Variants in NXPH1 observed in about 807,000 individuals in gnomAD.
NXPH1 encodes neurexophilin-1.
In NXPH1, 5 loss-of-function variants were observed where a neutral mutation model predicts 23.7. The observed-to-expected ratio is 0.21, with a 90% CI of 0.11 to 0.44. NXPH1 has a LOEUF of 0.44. Among genes scored for constraint, NXPH1 ranks in the 20% least tolerant of loss-of-function variants. The pLI is 0.99. For missense variants in NXPH1, 324 were observed against 321.6 expected (o/e 1.01, Z -0.06); for synonymous variants, 144 against 122.2 (o/e 1.18, Z -1.18).
chr7:8,507,274 A>G lies in NXPH1; in HGVS notation c.54+71507A>G, dbSNP rs1243327226. Reference sequence around the variant, plus strand: ...TAGGTGGTTGTTAATACATTAGGGCATGGAACACAAAGATGAAGAATTTGA... The same window carrying G: ...TAGGTGGTTGTTAATACATTAGGGCGTGGAACACAAAGATGAAGAATTTGA... On this transcript the variant is annotated intron_variant, in intron 2 of 2. Transcript: ENST00000405863. Among the ~76,000 whole-genome samples the G allele has an allele frequency of 6.6e-5, 10 of 151,754 alleles. 2 individuals are homozygous for G. Among genetic ancestry groups the G allele is most frequent in the Admixed American group, 5.9e-4 (9 of 15,258 alleles).
chr7:8,597,855 A>G (rs867845249), intron 2 of NXPH1, among the ~76,000 whole-genome samples: 3 of 152,228 alleles, frequency 2.0e-5, no homozygotes, highest in Middle Eastern at 6.8e-3. Flanking sequence ...GATTTGGCCA[A>G]TTGAAATGCC....
At position 8,609,054 on chromosome 7, in the gene NXPH1, G is replaced by T. The variant is rs75705933; in HGVS notation, c.55-141954G>T. On this transcript the variant is annotated intron_variant, in intron 2 of 2. Transcript: ENST00000405863. ...AAATGATATAAATGAGAGTCATTTT[G>T]CTTGACATCACTGTTTACAAGAACC... Among the ~76,000 whole-genome samples the T allele has an allele frequency of 6.0e-3, 917 of 152,204 alleles. 20 individuals carry two copies. The highest frequency in any genetic ancestry group is 0.06 in the South Asian group (287 of 4,820).
chr7:8,470,428 G>A (rs888886100), intron 2 of NXPH1, among the ~76,000 whole-genome samples: 5 of 152,120 alleles, frequency 3.3e-5, no homozygotes, highest in Admixed American at 2.6e-4. Context: ...GAAACATTTT[G>A]CTTTGTTCAA....
intron 2 of NXPH1, among the ~76,000 whole-genome samples, chr7:8,511,634 C>G (rs1817613685): frequency 6.6e-6 from 1 of 152,128 alleles, no homozygotes. Flanking sequence ...ACTTTTCCAC[C>G]TCTCTTCCAA....
At chr7:8,443,373 C>T (rs188861861) in intron 2 of NXPH1, among the ~76,000 whole-genome samples, 19 of 152,360 alleles carry the variant, frequency 1.2e-4, no homozygotes, top group Admixed American at 2.6e-4. Flanking sequence ...AACGTGAAGG[C>T]TGTAACGAAG....
At chr7:8,742,653 C>T (rs116639838) in intron 2 of NXPH1, among the ~76,000 whole-genome samples, 1 of 145,600 alleles carries the variant, frequency 6.9e-6, no homozygotes, top group Non-Finnish European at 1.5e-5. Context: ...TACTTAGGAA[C>T]AATATATACC....
chr7:8,707,264 C>A (rs1268524286), intron 2 of NXPH1, among the ~76,000 whole-genome samples: 1 of 152,160 alleles, frequency 6.6e-6, no homozygotes, highest in African/African-American at 2.4e-5. Context: ...GCAGGCCCAG[C>A]TTTTCTATTC....
At chr7:8,566,135 C>T (rs939739714) in intron 2 of NXPH1, among the ~76,000 whole-genome samples, 1 of 151,774 alleles carries the variant, frequency 6.6e-6, no homozygotes, top group African/African-American at 2.4e-5. Flanking sequence ...ATTGTGTTTT[C>T]TGAGTCTCTC....
intron 2 of NXPH1, among the ~76,000 whole-genome samples, chr7:8,511,779 C>G (rs921216615): frequency 1.2e-4 from 18 of 152,168 alleles, no homozygotes; most frequent in Admixed American, 6.5e-5. Context: ...CTCTCACACA[C>G]AGCAAGTTTG....
intron 2 of NXPH1, among the ~76,000 whole-genome samples, chr7:8,504,197 A>G (rs77085348): frequency 0.02 from 3,052 of 152,060 alleles, 95 homozygotes; most frequent in African/African-American, 0.069. Context: ...AAGCTCTAGA[A>G]TGCTATATTT....
chr7:8,509,246 G>C (rs1267803987), intron 2 of NXPH1, among the ~76,000 whole-genome samples: 1 of 152,042 alleles, frequency 6.6e-6, no homozygotes, highest in African/African-American at 2.4e-5. Context: ...TCTAAGACAT[G>C]ATGATTTCAT....
chr7:8,569,724 G>T (rs1375677082), intron 2 of NXPH1, among the ~76,000 whole-genome samples: 1 of 151,804 alleles, frequency 6.6e-6, no homozygotes, highest in Non-Finnish European at 1.5e-5. Flanking sequence ...CTTCTTCCTA[G>T]AGTGGGCAAG....
Position 8,626,294 on chromosome 7 carries a change from C to T in NXPH1, c.55-124714C>T, listed in dbSNP as rs569150504. 1.0e-3 allele frequency among the ~76,000 whole-genome samples: 152 copies of T among 151,892 alleles called. 1 individual carries two copies. Among genetic ancestry groups the T allele is most frequent in the Admixed American group, 1.9e-3 (29 of 15,250 alleles). On this transcript the variant is annotated intron_variant, in intron 2 of 2. Transcript: ENST00000405863. ...ACATCATAAATTATGCATCTTTGGGCCTTAGTCTATTCCAAACTGCAACTT... is the reference window on the plus strand; with the variant it reads ...ACATCATAAATTATGCATCTTTGGGTCTTAGTCTATTCCAAACTGCAACTT...
intron 2 of NXPH1, among the ~76,000 whole-genome samples, chr7:8,651,236 C>T (rs1166622937): frequency 3.2e-5 from 4 of 124,904 alleles, no homozygotes; most frequent in South Asian, 3.1e-4. Flanking sequence ...GTTTTTTGTT[C>T]TTGCGATAGT....
intron 2 of NXPH1, among the ~76,000 whole-genome samples, chr7:8,522,556 C>A (rs996579863): frequency 6.6e-6 from 1 of 152,042 alleles, no homozygotes; most frequent in Non-Finnish European, 1.5e-5. Flanking sequence ...GCTCTAGCAC[C>A]GTTTTTTTAA....
chr7:8,527,572 G>A (rs569987725), intron 2 of NXPH1, among the ~76,000 whole-genome samples: 11 of 152,252 alleles, frequency 7.2e-5, no homozygotes, highest in Admixed American at 7.2e-4. Flanking sequence ...TTGGGACCAG[G>A]ACTTAAATAT....
chr7:8,459,559 C>T (rs563306538), intron 2 of NXPH1, among the ~76,000 whole-genome samples: 5 of 152,186 alleles, frequency 3.3e-5, no homozygotes, highest in African/African-American at 2.4e-5. Context: ...GCCCTGCCAT[C>T]TTCTTTCTTC....
At chr7:8,622,929 T>C (rs2115125625) in intron 2 of NXPH1, among the ~76,000 whole-genome samples, 1 of 152,194 alleles carries the variant, frequency 6.6e-6, no homozygotes, top group African/African-American at 2.4e-5. Context: ...GCTGGAGTGG[T>C]CTTGGGAAAT....
At chr7:8,550,335 A>C (rs956160881) in intron 2 of NXPH1, among the ~76,000 whole-genome samples, 4 of 151,590 alleles carry the variant, frequency 2.6e-5, no homozygotes, top group Admixed American at 2.0e-4. Flanking sequence ...TATGGTAATA[A>C]CTTCACCAAC....
Sources: allele counts gnomAD v4.1 joint callset (sites outside exome capture counted in the v4.1 genomes callset), GRCh38; gene constraint gnomAD v4.1.1; transcripts MANE v1.5; gene names NCBI Gene and HGNC (gene_info 2026-07-23, HGNC 2026-07-21).